CNTNAP5: variants seen among roughly 807,000 people sequenced by gnomAD.
CNTNAP5 encodes the protein contactin-associated protein-like 5.
CNTNAP5 carries 72 observed loss-of-function variants against 150.2 expected under a neutral mutation model. The observed-to-expected ratio is 0.48, with a 90% confidence interval of 0.40 to 0.58. The LOEUF is 0.58. Ranked by LOEUF, CNTNAP5 falls within the 20% of genes least tolerant of loss-of-function variation. The pLI is 0.00. For missense variants in CNTNAP5, 1,636 were observed against 1,626.2 expected, an observed-to-expected ratio of 1.01 and a Z score of -0.10; for synonymous variants, 672 against 619.8, an observed-to-expected ratio of 1.08 and a Z score of -1.25.
At chr2:124,429,200 C>T (rs1692310945) in intron 4 of CNTNAP5, among the ~76,000 whole-genome samples, 1 of 151,968 alleles carries the variant, frequency 6.6e-6, no homozygotes, top group African/African-American at 2.4e-5. Context: ...TCTGCTTTTC[C>T]AAGTGAAGTT....
At chr2:124,263,791 T>G (rs927565649) in intron 3 of CNTNAP5, among the ~76,000 whole-genome samples, 1 of 152,238 alleles carries the variant, frequency 6.6e-6, no homozygotes, top group African/African-American at 2.4e-5. Flanking sequence ...GGTCTAACAT[T>G]TAAGTCTTTA....
At chr2:124,815,913 A>G (rs1037021172) in intron 19 of CNTNAP5, among the ~76,000 whole-genome samples, 6 of 152,156 alleles carry the variant, frequency 3.9e-5, no homozygotes, top group African/African-American at 1.4e-4. Flanking sequence ...TAATCAATTA[A>G]TAAATGACGT....
intron 19 of CNTNAP5, among the ~76,000 whole-genome samples, chr2:124,860,814 G>A (rs1573668886): frequency 1.3e-5 from 2 of 151,958 alleles, no homozygotes; most frequent in East Asian, 1.9e-4. Context: ...CTTATGAGAG[G>A]GAAACTTATG....
chr2:124,595,188 G>C (rs1470103604), intron 11 of CNTNAP5, among the ~76,000 whole-genome samples: 92 of 142,990 alleles, frequency 6.4e-4, no homozygotes, highest in African/African-American at 2.3e-3. Context: ...AATAGGAGCG[G>C]TGAGAGAGGG....
At chr2:124,438,528 C>G (rs1420837212) in intron 5 of CNTNAP5, among the ~76,000 whole-genome samples, 2 of 152,118 alleles carry the variant, frequency 1.3e-5, no homozygotes, top group Non-Finnish European at 2.9e-5. Flanking sequence ...CAAAGTGAGA[C>G]TCAAGTGAGA....
At chr2:124,379,219 C>G (rs950785481) in intron 3 of CNTNAP5, among the ~76,000 whole-genome samples, 1 of 151,790 alleles carries the variant, frequency 6.6e-6, no homozygotes, top group Non-Finnish European at 1.5e-5. Flanking sequence ...AGGGTGTACT[C>G]TTGGTGCTGT....
At chr2:124,862,686 C>T (rs577959245) in intron 19 of CNTNAP5, among the ~76,000 whole-genome samples, 9 of 152,176 alleles carry the variant, frequency 5.9e-5, no homozygotes, top group Admixed American at 1.3e-4. Flanking sequence ...CTGAAGAAGA[C>T]GCTCAGGGAG....
chr2:124,504,648 A>G (rs375227214), intron 8 of CNTNAP5, 92 bp downstream of exon 8: 2 of 1,235,436 alleles, frequency 1.6e-6, no homozygotes, highest in East Asian at 2.5e-5. Flanking sequence ...TCCAAATCTC[A>G]GGGATATGGG....
intron 1 of CNTNAP5, among the ~76,000 whole-genome samples, chr2:124,159,283 C>T (rs548662403): frequency 1.6e-3 from 245 of 152,168 alleles, no homozygotes; most frequent in African/African-American, 5.5e-3. Context: ...GTTCTTAAAC[C>T]GGAATCTGCA....
chr2:124,463,073 G>A (rs1464066083), intron 6 of CNTNAP5, among the ~76,000 whole-genome samples: 4 of 152,204 alleles, frequency 2.6e-5, no homozygotes, highest in Admixed American at 6.5e-5. Context: ...CCCTGCCCTT[G>A]TGACACAGGA....
chr2:124,263,645 T>C (rs978640482), intron 3 of CNTNAP5, among the ~76,000 whole-genome samples: 2 of 152,174 alleles, frequency 1.3e-5, no homozygotes, highest in Non-Finnish European at 2.9e-5. Context: ...AGAAGCTCTT[T>C]AGTTTAATTA....
chr2:124,259,476 A>G (rs1687398026), intron 3 of CNTNAP5, among the ~76,000 whole-genome samples: 1 of 152,166 alleles, frequency 6.6e-6, no homozygotes, highest in South Asian at 2.1e-4. Flanking sequence ...TCCCACCAAC[A>G]GTGTAAAAGT....
intron 7 of CNTNAP5, among the ~76,000 whole-genome samples, chr2:124,494,681 A>T (rs183468475): frequency 4.1e-4 from 62 of 152,360 alleles, no homozygotes; most frequent in Non-Finnish European, 5.1e-4. Context: ...TAAAGATTGC[A>T]GTAGAGGAGA....
chr2:124,410,804 A>C (rs574694643), intron 3 of CNTNAP5, among the ~76,000 whole-genome samples: 1 of 150,342 alleles, frequency 6.7e-6, no homozygotes, highest in Non-Finnish European at 1.5e-5. Flanking sequence ...ACACCCTAAC[A>C]TCACAATTAA....
At chr2:124,427,203 AT>A (rs1270657888) in intron 4 of CNTNAP5, among the ~76,000 whole-genome samples, 1 of 152,154 alleles carries the variant, frequency 6.6e-6, no homozygotes, top group African/African-American at 2.4e-5. Context: ...GAAGGAAAAC[AT>A]TCCACAACGA....
intron 1 of CNTNAP5, among the ~76,000 whole-genome samples, chr2:124,187,596 C>T (rs549905646): frequency 7.2e-5 from 11 of 152,262 alleles, no homozygotes; most frequent in African/African-American, 2.6e-4. Flanking sequence ...GGTGAGCTGT[C>T]AACATCAGCA....
chr2:124,093,955 A>G (rs949948559), intron 1 of CNTNAP5, among the ~76,000 whole-genome samples: 2 of 152,242 alleles, frequency 1.3e-5, no homozygotes, highest in East Asian at 3.9e-4. Context: ...ACGTATTCTG[A>G]TGGAGGAGAA....
chr2:124,218,761 C>G (rs1686227444), intron 1 of CNTNAP5, among the ~76,000 whole-genome samples: 2 of 152,248 alleles, frequency 1.3e-5, no homozygotes, highest in South Asian at 2.1e-4. Context: ...GGGGATTGCA[C>G]AGGTCTGGAA....
chr2:124,363,478 C>A (rs1022024960), intron 3 of CNTNAP5, among the ~76,000 whole-genome samples: 2 of 152,184 alleles, frequency 1.3e-5, no homozygotes, highest in Non-Finnish European at 2.9e-5. Flanking sequence ...GTGGATTGCA[C>A]TTCCATTCTT....
Sources: gnomAD v4.1 joint callset for allele counts (sites outside exome capture counted in the v4.1 genomes callset) on GRCh38, gnomAD v4.1.1 for gene constraint, MANE v1.5 for transcripts, NCBI Gene and HGNC (gene_info 2026-07-23, HGNC 2026-07-21) for gene names.